KANK1: variants seen among roughly 807,000 people sequenced by gnomAD.
KANK1 encodes KN motif and ankyrin repeat domains 1.
KANK1 carries 109 observed loss-of-function variants against 106.2 expected under a neutral mutation model. That is an observed-to-expected ratio of 1.03 (90% CI 0.88 to 1.20). The LOEUF (loss-of-function observed/expected upper bound fraction) is 1.20, where lower values mean the gene tolerates loss of function less well. Among genes scored for constraint, KANK1 ranks in the 50% most tolerant of loss-of-function variants. The probability of loss-of-function intolerance (pLI) is 0.00; values close to 1 mark genes in which losing one functional copy is unlikely to be tolerated. For synonymous variants in KANK1, 873 were observed against 652.2 expected (o/e 1.34, Z -5.16); for missense variants, 2,399 against 1,710.7 (o/e 1.40, Z -7.10).
chr9:620,131 TA>T (rs35162748), intron 1 of KANK1, among the ~76,000 whole-genome samples: 91,953 of 147,480 alleles, frequency 0.62, 28,850 homozygotes, highest in African/African-American at 0.72. Context: ...GACTCCCATC[TA>T]AAAAAAAAAA....
At chr9:495,389 C>A (rs532263315) in intron 3 of KANK1, 2 of 152,184 alleles carry the variant, frequency 1.3e-5, no homozygotes, top group Non-Finnish European at 2.9e-5. Context: ...AAGACTCTTA[C>A]GTAACCAGAT....
chr9:595,649 C>T (rs549983061), intron 1 of KANK1, among the ~76,000 whole-genome samples: 3 of 151,960 alleles, frequency 2.0e-5, no homozygotes, highest in East Asian at 3.9e-4. Context: ...CCTCAGTCTC[C>T]TGAGTAGCTG....
chr9:722,929 G>A lies in KANK1; in HGVS notation c.2699-7122G>A, dbSNP rs189247587. Among the ~76,000 whole-genome samples, 33 of 152,284 alleles carry A rather than the reference G, an allele frequency of 2.2e-4. No homozygotes were observed. The East Asian group carries it at 6.2e-3, about 28-fold the overall frequency. ...GACAGGGCATATTTGAATCTGGACCGTAAGTGCTACAGGACAATGATGGGG... is the reference window on the plus strand; with the variant it reads ...GACAGGGCATATTTGAATCTGGACCATAAGTGCTACAGGACAATGATGGGG... On this transcript the variant is annotated intron_variant, in intron 3 of 11. Coordinates refer to ENST00000382297, the MANE Select transcript of KANK1 (RefSeq NM_015158.5).
At chr9:515,362 A>G (rs1049875423) in intron 1 of KANK1, among the ~76,000 whole-genome samples, 2 of 151,480 alleles carry the variant, frequency 1.3e-5, no homozygotes, top group African/African-American at 4.9e-5. Flanking sequence ...AAAAAAAGAA[A>G]AAAAAGCCAG....
chr9:657,443 C>A (rs969887818), intron 1 of KANK1, among the ~76,000 whole-genome samples: 7 of 152,088 alleles, frequency 4.6e-5, no homozygotes, highest in Admixed American at 2.0e-4. Context: ...TTTTGAGGAA[C>A]CTCTATACTG....
chr9:593,472 A>ATT (rs1424871065), intron 1 of KANK1, among the ~76,000 whole-genome samples: 2 of 125,464 alleles, frequency 1.6e-5, no homozygotes, highest in African/African-American at 6.7e-5. Context: ...ATATACTTGC[A>ATT]TTTTTTTTTT....
intron 1 of KANK1, among the ~76,000 whole-genome samples, chr9:569,106 C>T (rs570702144): frequency 6.6e-6 from 1 of 152,220 alleles, no homozygotes; most frequent in Admixed American, 6.5e-5. Flanking sequence ...CAGTATCTGC[C>T]TGACACACTA....
chr9:671,755 C>T lies in KANK1; in HGVS notation c.-83-5135C>T, dbSNP rs569172694. On this transcript the variant is annotated intron_variant, in intron 1 of 11. Transcript: ENST00000382297. The stretch of plus-strand genomic sequence containing the variant: ...TGCTCTAAAAACATATTATACCAGC[C>T]TGGCCAACATGGTGAAACCCCATCT... Among the ~76,000 whole-genome samples the T allele has an allele frequency of 3.3e-5, 5 of 152,046 alleles. No homozygotes were observed. In the South Asian group the frequency reaches 1.0e-3, roughly 32 times the overall value.
chr9:646,988 A>C (rs1039748851), intron 1 of KANK1, among the ~76,000 whole-genome samples: 1 of 150,926 alleles, frequency 6.6e-6, no homozygotes, highest in Non-Finnish European at 1.5e-5. Flanking sequence ...GTGAGCTACT[A>C]TGCACACCCC....
intron 1 of KANK1, among the ~76,000 whole-genome samples, chr9:658,451 G>A (rs983755624): frequency 2.0e-5 from 3 of 151,454 alleles, no homozygotes; most frequent in African/African-American, 7.3e-5. Flanking sequence ...TTCTGGCCCC[G>A]AGCCTCCAGA....
chr9:578,569 G>C (rs1359222890), intron 1 of KANK1, among the ~76,000 whole-genome samples: 1 of 151,900 alleles, frequency 6.6e-6, no homozygotes, highest in African/African-American at 2.4e-5. Context: ...CATCATCATA[G>C]TTTAGGAGTA....
intron 1 of KANK1, among the ~76,000 whole-genome samples, chr9:516,036 C>G (rs1270787079): frequency 1.3e-5 from 2 of 151,704 alleles, no homozygotes; most frequent in Non-Finnish European, 2.9e-5. Flanking sequence ...TGTCATCTAG[C>G]TTTGTACTTC....
chr9:595,312 C>T (rs1026550440), intron 1 of KANK1, among the ~76,000 whole-genome samples: 1 of 151,648 alleles, frequency 6.6e-6, no homozygotes, highest in Non-Finnish European at 1.5e-5. Context: ...ATTCACATGG[C>T]CCAGAAAGTG....
intron 3 of KANK1, among the ~76,000 whole-genome samples, chr9:476,018 A>G (rs898357282): frequency 5.3e-5 from 8 of 151,718 alleles, no homozygotes; most frequent in Non-Finnish European, 1.0e-4. Context: ...ACACCCGGCT[A>G]ATTTTTGTAT....
chr9:517,049 G>T (rs2059314032), intron 1 of KANK1, among the ~76,000 whole-genome samples: 2 of 138,192 alleles, frequency 1.4e-5, no homozygotes, highest in Non-Finnish European at 1.5e-5. Flanking sequence ...TTTTTTGGTG[G>T]GCTCAGAGCC....
chr9:576,614 C>A (rs988853247), intron 1 of KANK1, among the ~76,000 whole-genome samples: 6 of 152,170 alleles, frequency 3.9e-5, no homozygotes, highest in Non-Finnish European at 7.3e-5. Flanking sequence ...GGAGACTTGA[C>A]ATTGTTTCAT....
Position 599,699 on chromosome 9 carries a change from A to C in KANK1, c.-83-77191A>C, listed in dbSNP as rs1039962343. ...CTTTTATGCAGATATTTTCAACCCA[A>C]CATGGATTGAAAATAGAGTACTTGA... On this transcript the variant is annotated intron_variant, in intron 1 of 11. Coordinates refer to ENST00000382297, the MANE Select transcript of KANK1 (RefSeq NM_015158.5). Among the ~76,000 whole-genome samples, 4 of 151,798 alleles carry C rather than the reference A, an allele frequency of 2.6e-5. 1 individual carries two copies. The highest frequency in any genetic ancestry group is 9.7e-5 in the African/African-American group (4 of 41,090).
intron 1 of KANK1, among the ~76,000 whole-genome samples, chr9:518,593 T>C (rs80055999): frequency 0.027 from 4,065 of 151,842 alleles, 93 homozygotes; most frequent in Non-Finnish European, 0.041. Flanking sequence ...ATTGATATTG[T>C]CATTCCGTGG....
intron 1 of KANK1, among the ~76,000 whole-genome samples, chr9:519,350 G>A (rs1349097441): frequency 6.6e-6 from 1 of 151,712 alleles, no homozygotes; most frequent in East Asian, 1.9e-4. Flanking sequence ...ATTTGCAAAA[G>A]GTGGTGTTGA....
Sources: allele counts gnomAD v4.1 joint callset (sites outside exome capture counted in the v4.1 genomes callset), GRCh38; gene constraint gnomAD v4.1.1; transcripts MANE v1.5; gene names NCBI Gene and HGNC (gene_info 2026-07-23, HGNC 2026-07-21).